TCTN1: variants seen among roughly 807,000 people sequenced by gnomAD.
The protein encoded by TCTN1 is tectonic family member 1, also known as tectonic-1.
In TCTN1, 58 loss-of-function variants were observed where a neutral mutation model predicts 65.8. The observed-to-expected ratio is 0.88, with a 90% confidence interval of 0.71 to 1.10. The LOEUF (loss-of-function observed/expected upper bound fraction) is 1.10. Ranked by LOEUF, TCTN1 falls within the 50% of genes least tolerant of loss-of-function variation. The pLI, the probability that TCTN1 is intolerant of heterozygous loss-of-function variation, is 0.00. For missense variants in TCTN1, 645 were observed against 719.4 expected (o/e 0.90, Z 1.18); for synonymous variants, 273 against 289.1 (o/e 0.94, Z 0.57).
chr12:110,648,939 C>G (rs1322821830), intron 14 of TCTN1, 104 bp from the exon 15 acceptor site: 5 of 422,234 alleles, frequency 1.2e-5, no homozygotes, highest in Non-Finnish European at 2.3e-5. Context: ...GCCTGGGTAC[C>G]CCTTTTGGGG....
chr12:110,624,095 T>TA (rs2065648545), intron 2 of TCTN1, among the ~76,000 whole-genome samples: 3 of 151,494 alleles, frequency 2.0e-5, no homozygotes, highest in Non-Finnish European at 4.4e-5. Flanking sequence ...GTCTATTTTT[T>TA]TTTTTTTTTA....
intron 6 of TCTN1, among the ~76,000 whole-genome samples, chr12:110,635,382 G>A (rs2066493883): frequency 6.6e-6 from 1 of 152,182 alleles, no homozygotes; most frequent in South Asian, 2.1e-4. Flanking sequence ...GATAGGCTGA[G>A]GCAGGAGGAT....
At chr12:110,621,570 T>C (rs1483137361) in intron 2 of TCTN1, among the ~76,000 whole-genome samples, 1 of 152,006 alleles carries the variant, frequency 6.6e-6, no homozygotes. Flanking sequence ...CCTGCTGGCT[T>C]CAAGCAATTT....
At chr12:110,617,083 C>A (rs1373240743) in intron 1 of TCTN1, among the ~76,000 whole-genome samples, 1 of 152,178 alleles carries the variant, frequency 6.6e-6, no homozygotes, top group Non-Finnish European at 1.5e-5. Flanking sequence ...CCTATAAGGG[C>A]TTTAAGTTTT....
At position 110,639,145 on chromosome 12, in the gene TCTN1, G is replaced by A. The variant is rs74661080; in HGVS notation, c.844-1238G>A. ...ATTATAAACAGCATGGTGCATGATT[G>A]AGTGCAAGTTCAAAGTGGTATAAAC... On this transcript the variant is annotated intron_variant, in intron 7 of 14. Coordinates refer to ENST00000397659, the MANE Select transcript of TCTN1 (RefSeq NM_001082538.3). This position sits in a 1 kb window ranked among gnomAD's most constrained non-coding sequence, Gnocchi z 4.9. Among the ~76,000 whole-genome samples the A allele has an allele frequency of 6.6e-6, 1 of 152,220 alleles. No homozygotes were observed. Among genetic ancestry groups the A allele is most frequent in the East Asian group, 1.9e-4 (1 of 5,202 alleles).
chr12:110,635,393 C>T (rs111733694), intron 6 of TCTN1, among the ~76,000 whole-genome samples: 2,289 of 152,230 alleles, frequency 0.015, 53 homozygotes, highest in African/African-American at 0.052. Context: ...GCAGGAGGAT[C>T]ACTTGAGGCT....
intron 14 of TCTN1, chr12:110,648,578 A>G (rs545229481): frequency 5.0e-5 from 8 of 159,266 alleles, no homozygotes; most frequent in South Asian, 3.7e-4. Context: ...TGAAATGAGT[A>G]CAAAAAAATA....
At position 110,614,307 on chromosome 12, in the gene TCTN1, T is replaced by C. The variant is rs1415245710; in HGVS notation, c.125T>C (p.Leu42Pro). ...TEGLNSTEAA[L>P]ATFGTFPSTR... The stretch of plus-strand genomic sequence containing the variant: ...GGCCTCAACTCCACCGAGGCAGCCC[T>C]GGCCACCTTCGGAACTTTCCCGTCG... Residue 42 changes from leucine to proline, a missense_variant, in exon 1 of 15, where the codon CTG becomes CCG. Coordinates refer to ENST00000397659, the MANE Select transcript of TCTN1 (RefSeq NM_001082538.3). 9 of 1,602,594 alleles carry C rather than the reference T, an allele frequency of 5.6e-6. No homozygotes were observed. Among genetic ancestry groups the C allele is most frequent in the Non-Finnish European group, 7.7e-6 (9 of 1,175,454 alleles).
intron 2 of TCTN1, chr12:110,625,778 G>A (rs1366497331): frequency 1.4e-5 from 2 of 141,570 alleles, no homozygotes; most frequent in East Asian, 4.4e-4. Context: ...TTTTTGAGAT[G>A]GAGTCTCACT....
At chr12:110,624,460 T>C (rs888186756) in intron 2 of TCTN1, among the ~76,000 whole-genome samples, 16 of 151,680 alleles carry the variant, frequency 1.1e-4, no homozygotes, top group African/African-American at 3.6e-4. Context: ...GTGATCCTCC[T>C]CAGCCTCCCA....
intron 1 of TCTN1, among the ~76,000 whole-genome samples, chr12:110,614,845 C>T (rs1027302817): frequency 6.6e-6 from 1 of 152,190 alleles, no homozygotes; most frequent in African/African-American, 2.4e-5. Flanking sequence ...ATTCTAAAAA[C>T]CCAGGATTCC....
Position 110,649,361 on chromosome 12 carries a change from C to T in TCTN1, c.*320C>T, listed in dbSNP as rs779738070. The T allele has an allele frequency of 2.7e-6, 4 of 1,484,612 alleles. No homozygotes were observed. The highest frequency in any genetic ancestry group is 4.6e-5 in the East Asian group (2 of 43,634). The allele number at this position is 1,484,612 out of a possible 1,614,324, so 92.0% of individuals were successfully genotyped here. On this transcript the variant is annotated 3_prime_UTR_variant, in exon 15 of 15. Coordinates refer to ENST00000397659, the MANE Select transcript of TCTN1 (RefSeq NM_001082538.3). ...GGGGCAGCTGTTCCTCTCGTGACAG[C>T]ACAGGCCCATGAGACAGTGTCTTCT... is the stretch of plus-strand genomic sequence containing the variant.
chr12:110,618,056 G>GT (rs1042190512), intron 1 of TCTN1, among the ~76,000 whole-genome samples: 80 of 145,880 alleles, frequency 5.5e-4, no homozygotes, highest in Non-Finnish European at 9.9e-4. Flanking sequence ...TGTTAATTTT[G>GT]TTTTTTGGCT....
intron 7 of TCTN1, among the ~76,000 whole-genome samples, chr12:110,638,708 C>T (rs868450413): frequency 2.0e-5 from 3 of 152,192 alleles, no homozygotes; most frequent in South Asian, 2.1e-4. Context: ...CTGAATCCTT[C>T]GGTTTTTGCC....
At chr12:110,620,771 T>C (rs1347214391) in intron 2 of TCTN1, among the ~76,000 whole-genome samples, 1 of 152,024 alleles carries the variant, frequency 6.6e-6, no homozygotes, top group Non-Finnish European at 1.5e-5. Context: ...ATAAATAATC[T>C]GTTCTGAATG....
At chr12:110,616,167 G>A (rs1461396527) in intron 1 of TCTN1, 1 of 301,420 alleles carries the variant, frequency 3.3e-6, no homozygotes, top group Non-Finnish European at 7.0e-6. Context: ...CCAAAATAAA[G>A]CTATGCTTGA....
At chr12:110,630,443 T>C (rs2136024934) in intron 4 of TCTN1, among the ~76,000 whole-genome samples, 1 of 152,370 alleles carries the variant, frequency 6.6e-6, no homozygotes, top group South Asian at 2.1e-4. Context: ...TTTTGGAAGA[T>C]GTGTGCTGTT....
Position 110,645,177 on chromosome 12 carries a change from A to C in TCTN1, c.1494+48A>C, listed in dbSNP as rs760146899. On this transcript the variant is annotated intron_variant, in intron 12 of 14. Coordinates refer to ENST00000397659, the MANE Select transcript of TCTN1 (RefSeq NM_001082538.3). ...TCCATGCTAGTGGTCTCTGTCTTCC[A>C]GGTGGTGTGATGAAGGCAGCCGGGG... The C allele has an allele frequency of 1.6e-5, 26 of 1,609,010 alleles. No individual in the cohort carries two copies. The South Asian group carries it at 2.9e-4, about 18-fold the overall frequency.
Position 110,619,858 on chromosome 12 carries a change from C to T in TCTN1, c.243C>T (p.Asp81=). Residue 81 remains aspartate (D), a synonymous_variant, in exon 2 of 15, where the codon GAC becomes GAT. Transcript: ENST00000397659. The stretch of plus-strand genomic sequence containing the variant: ...CAGTTGCTGTTCTCTGTGTCTGTGA[C>T]TTATCCCCAGCACAGTGTGACATCA... ...VTDVAVLCVC[D]LSPAQCDINC... is the part of the protein sequence containing the mutation. 2 of 1,614,138 alleles carry T rather than the reference C, an allele frequency of 1.2e-6. No homozygotes were observed. The highest frequency in any genetic ancestry group is 1.7e-6 in the Non-Finnish European group (2 of 1,180,030).
Sources: gnomAD v4.1 joint callset for allele counts (sites outside exome capture counted in the v4.1 genomes callset) on GRCh38, gnomAD v4.1.1 for gene constraint, Gnocchi (gnomAD v3.1) non-coding constraint, MANE v1.5 for transcripts, NCBI Gene and HGNC (gene_info 2026-07-23, HGNC 2026-07-21) for gene names.